ABLIM2: variants seen among roughly 807,000 people sequenced by gnomAD.
ABLIM2 encodes actin-binding LIM protein 2.
In ABLIM2, 53 loss-of-function variants were observed where a neutral mutation model predicts 97.7. That is an observed-to-expected ratio of 0.54 (90% CI 0.44 to 0.68). The LOEUF is 0.68. ABLIM2 is among the 30% of genes least tolerant of loss of function. The pLI is 0.00. For synonymous variants in ABLIM2, 361 were observed against 345.8 expected (o/e 1.04, Z -0.49); for missense variants, 835 against 867.2 (o/e 0.96, Z 0.47).
intron 20 of ABLIM2, among the ~76,000 whole-genome samples, chr4:7,968,109 T>C (rs1434765311): frequency 6.6e-6 from 1 of 152,260 alleles, no homozygotes; most frequent in South Asian, 2.1e-4. Context: ...TCCACGGGGA[T>C]GCTTCCCTTT....
At chr4:8,119,575 C>T (rs1347398920) in intron 1 of ABLIM2, among the ~76,000 whole-genome samples, 1 of 152,124 alleles carries the variant, frequency 6.6e-6, no homozygotes, top group Non-Finnish European at 1.5e-5. Context: ...ATCCGCCCAC[C>T]TGGGTCTCCC....
At chr4:8,098,393 G>C (rs138548566) in intron 2 of ABLIM2, among the ~76,000 whole-genome samples, 198 of 152,316 alleles carry the variant, frequency 1.3e-3, no homozygotes, top group African/African-American at 4.8e-3. Flanking sequence ...TTGTGAATAT[G>C]GGCACCTTTA....
chr4:8,114,192 G>A (rs1399408153), intron 1 of ABLIM2, among the ~76,000 whole-genome samples: 1 of 152,226 alleles, frequency 6.6e-6, no homozygotes, highest in African/African-American at 2.4e-5. Flanking sequence ...GTGCTGAGGA[G>A]ACCAGAGCTG....
At position 8,076,538 on chromosome 4, in the gene ABLIM2, C is replaced by T. The variant is rs547959138; in HGVS notation, c.675+1090G>A. On this transcript the variant is annotated intron_variant, in intron 6 of 20. Coordinates refer to ENST00000447017, the MANE Select transcript of ABLIM2 (RefSeq NM_001130083.2). ...GCCTCATCCCCAGCCCCACCCTATC[C>T]TCCCAGCCAAACCCCAGAGGCCAGC... is the stretch of plus-strand genomic sequence containing the variant. 1.7e-3 allele frequency among the ~76,000 whole-genome samples: 252 copies of T among 152,222 alleles called. 1 individual carries two copies. Among genetic ancestry groups the T allele is most frequent in the Middle Eastern group, 0.014 (4 of 294 alleles).
In ABLIM2 at chr4:8,044,442, T is replaced by C. The variant is rs113948826; in HGVS notation, c.900+722A>G. 7.9e-5 allele frequency among the ~76,000 whole-genome samples: 12 copies of C among 152,006 alleles called. No individual in the cohort carries two copies. Among genetic ancestry groups the C allele is most frequent in the African/African-American group, 2.7e-4 (11 of 41,500 alleles). ...AAACATTAAATACAATATTAAATAT[T>C]AAATTTACATATACATATGTATATG... On this transcript the variant is annotated intron_variant, in intron 9 of 20. Transcript: ENST00000447017. This position sits in a 1 kb window ranked among gnomAD's most constrained non-coding sequence, Gnocchi z 4.4.
At chr4:8,027,917 A>G (rs952231162) in intron 11 of ABLIM2, 60 bp from the exon 12 acceptor site, 11 of 1,207,818 alleles carry the variant, frequency 9.1e-6, no homozygotes, top group Non-Finnish European at 1.3e-5. Context: ...AACGCCACAC[A>G]TATTCCTCAT....
Position 8,150,605 on chromosome 4 carries a change from G to T in ABLIM2, c.10+8075C>A, listed in dbSNP as rs115070857. Among the ~76,000 whole-genome samples the T allele has an allele frequency of 6.6e-6, 1 of 152,230 alleles. No homozygotes were observed. Among genetic ancestry groups the T allele is most frequent in the African/African-American group, 2.4e-5 (1 of 41,466 alleles). On this transcript the variant is annotated intron_variant, in intron 1 of 20. Transcript: ENST00000447017. This position sits in a 1 kb window ranked among gnomAD's most constrained non-coding sequence, Gnocchi z 6.3. ...ACTTCCAGCACAGGGTGCGAGCTCC[G>T]TGCCGGAGGCGGGAGGAGCCACTGC... is the stretch of plus-strand genomic sequence containing the variant.
At chr4:8,010,101 A>C (rs1422937241) in intron 14 of ABLIM2, among the ~76,000 whole-genome samples, 1 of 152,240 alleles carries the variant, frequency 6.6e-6, no homozygotes, top group Non-Finnish European at 1.5e-5. Flanking sequence ...GAAATAGAAC[A>C]AGCAAAAGTT....
Position 8,147,655 on chromosome 4 carries a change from C to T in ABLIM2, c.10+11025G>A, listed in dbSNP as rs569696785. Among the ~76,000 whole-genome samples, 1 of 152,282 alleles carries T rather than the reference C, an allele frequency of 6.6e-6. No homozygotes were observed. The highest frequency in any genetic ancestry group is 2.4e-5 in the African/African-American group (1 of 41,544). ...AGATTGGAGCAACGTGGCCACAAAC[C>T]TCAGAATCTGGCAGCCACCAAAGCT... On this transcript the variant is annotated intron_variant, in intron 1 of 20. Transcript: ENST00000447017. This position sits in a 1 kb window ranked among gnomAD's most constrained non-coding sequence, Gnocchi z 5.3.
intron 6 of ABLIM2, among the ~76,000 whole-genome samples, chr4:8,074,309 T>C (rs188900853): frequency 2.6e-5 from 4 of 152,026 alleles, no homozygotes; most frequent in Admixed American, 2.0e-4. Context: ...TTAAATACTA[T>C]CCAAGCATGG....
In ABLIM2 at chr4:8,072,467, C is replaced by T. The variant is rs1010510637; in HGVS notation, c.675+5161G>A. Among the ~76,000 whole-genome samples the T allele has an allele frequency of 7.2e-5, 11 of 152,210 alleles. No individual in the cohort carries two copies. Among genetic ancestry groups the T allele is most frequent in the African/African-American group, 9.6e-5 (4 of 41,458 alleles). ...CTGCTGCCCATGGGTGTCAGAAACG[C>T]GGGGCAGGTGAGGCTCCTGCACCAG... On this transcript the variant is annotated intron_variant, in intron 6 of 20. Coordinates refer to ENST00000447017, the MANE Select transcript of ABLIM2 (RefSeq NM_001130083.2). This position sits in a 1 kb window ranked among gnomAD's most constrained non-coding sequence, Gnocchi z 5.8.
At chr4:8,119,551 C>T (rs542037461) in intron 1 of ABLIM2, among the ~76,000 whole-genome samples, 116 of 152,100 alleles carry the variant, frequency 7.6e-4, no homozygotes, top group African/African-American at 2.4e-3. Flanking sequence ...TGGTCTTGAA[C>T]GCCTGACCTC....
At chr4:8,139,446 T>G (rs757262677) in intron 1 of ABLIM2, among the ~76,000 whole-genome samples, 2 of 152,130 alleles carry the variant, frequency 1.3e-5, no homozygotes, top group Admixed American at 6.5e-5. Flanking sequence ...GCAAAAGCCA[T>G]GAAGAGACAC....
At position 8,004,966 on chromosome 4, in the gene ABLIM2, C is replaced by A. The variant is rs1402068589; in HGVS notation, c.1618+3093G>T. ...CACCGCCATAAAGTCCTCTGGCTTC[C>A]CTGCTGGGGAACAGGGACTGGGCCA... On this transcript the variant is annotated intron_variant, in intron 16 of 20. Coordinates refer to ENST00000447017, the MANE Select transcript of ABLIM2 (RefSeq NM_001130083.2). The surrounding 1 kb of genome is among the most constrained non-coding windows in gnomAD (Gnocchi z 5.9). 6.6e-6 allele frequency among the ~76,000 whole-genome samples: 1 copy of A among 152,212 alleles called. No homozygotes were observed. The highest frequency in any genetic ancestry group is 2.4e-5 in the African/African-American group (1 of 41,452).
At chr4:8,025,085 A>G (rs58453953) in intron 12 of ABLIM2, among the ~76,000 whole-genome samples, 22,308 of 151,998 alleles carry the variant, frequency 0.15, 1,659 homozygotes, top group Middle Eastern at 0.25. Context: ...GCGCCACCAC[A>G]CCCGGCTAAT....
intron 2 of ABLIM2, among the ~76,000 whole-genome samples, chr4:8,105,121 C>T (rs148579868): frequency 6.6e-6 from 1 of 152,276 alleles, no homozygotes; most frequent in East Asian, 1.9e-4. Context: ...TCACATGTCT[C>T]CCTGGGCTGC....
At chr4:8,006,778 A>G (rs560533949) in intron 16 of ABLIM2, among the ~76,000 whole-genome samples, 2 of 152,158 alleles carry the variant, frequency 1.3e-5, no homozygotes, top group South Asian at 4.1e-4. Flanking sequence ...GACCAGCCCC[A>G]TAGCCCCCTT....
chr4:8,043,384 T>G lies in ABLIM2; in HGVS notation c.900+1780A>C, dbSNP rs1216072358. Among the ~76,000 whole-genome samples, 5 of 152,222 alleles carry G rather than the reference T, an allele frequency of 3.3e-5. No individual in the cohort carries two copies. Among genetic ancestry groups the G allele is most frequent in the Non-Finnish European group, 5.9e-5 (4 of 68,046 alleles). The stretch of plus-strand genomic sequence containing the variant: ...TTCACATGATAATTGTCATAATCAT[T>G]ATTCATGAGGATGATGATGGTATTA... On this transcript the variant is annotated intron_variant, in intron 9 of 20. Transcript: ENST00000447017. The surrounding 1 kb of genome is among the most constrained non-coding windows in gnomAD (Gnocchi z 4.8).
At chr4:8,121,880 C>T (rs1337487547) in intron 1 of ABLIM2, among the ~76,000 whole-genome samples, 1 of 152,182 alleles carries the variant, frequency 6.6e-6, no homozygotes, top group Non-Finnish European at 1.5e-5. Context: ...GCACTCAGCA[C>T]CTCCACCCAC....
Sources: gnomAD v4.1 joint callset for allele counts (sites outside exome capture counted in the v4.1 genomes callset) on GRCh38, gnomAD v4.1.1 for gene constraint, Gnocchi (gnomAD v3.1) non-coding constraint, MANE v1.5 for transcripts, NCBI Gene and HGNC (gene_info 2026-07-23, HGNC 2026-07-21) for gene names.